The following FRMD6 variants were observed in gnomAD, a reference collection of about 807,000 sequenced individuals.
FRMD6 encodes the protein FERM domain-containing protein 6.
A neutral mutation model predicts 73.2 loss-of-function variants in FRMD6; 37 were observed. That is an observed-to-expected ratio of 0.51 (90% CI 0.39 to 0.66). FRMD6 has a LOEUF of 0.66. Ranked by LOEUF, FRMD6 falls within the 30% of genes least tolerant of loss-of-function variation. FRMD6 has a pLI of 0.00. For synonymous variants in FRMD6, 273 were observed against 282.2 expected (o/e 0.97, Z 0.33); for missense variants, 714 against 780.5 (o/e 0.91, Z 1.02).
intron 2 of FRMD6, among the ~76,000 whole-genome samples, chr14:51,591,213 A>G (rs1889366291): frequency 6.6e-6 from 1 of 152,214 alleles, no homozygotes; most frequent in South Asian, 2.1e-4. Flanking sequence ...AGGTAAAGGC[A>G]GCCCTTCTGG....
chr14:51,527,022 A>T (rs1885293208), intron 1 of FRMD6, among the ~76,000 whole-genome samples: 1 of 152,258 alleles, frequency 6.6e-6, no homozygotes, highest in Admixed American at 6.5e-5. Context: ...TAGCCCTGAT[A>T]ATGTATCCAC....
At chr14:51,526,267 T>C (rs1168575637) in intron 1 of FRMD6, among the ~76,000 whole-genome samples, 2 of 152,126 alleles carry the variant, frequency 1.3e-5, no homozygotes, top group Non-Finnish European at 2.9e-5. Flanking sequence ...TGTCCCCAGA[T>C]CATGTCTCCT....
chr14:51,618,025 A>G (rs756486403), intron 2 of FRMD6, among the ~76,000 whole-genome samples: 4 of 152,158 alleles, frequency 2.6e-5, no homozygotes, highest in Non-Finnish European at 5.9e-5. Flanking sequence ...TGGAGCTTAC[A>G]GTCTATGAGT....
rs373444559 is a variant in FRMD6 at position 51,508,295 on chromosome 14, C to T, written c.-210+18875C>T. Among the ~76,000 whole-genome samples the T allele has an allele frequency of 1.1e-3, 163 of 152,382 alleles. 3 individuals are homozygous for T. The Middle Eastern group carries it at 0.027, about 25-fold the overall frequency. On this transcript the variant is annotated intron_variant, in intron 1 of 14. Transcript: ENST00000356218. The stretch of plus-strand genomic sequence containing the variant: ...CATAAATCTAGAAGGCCCCAGAGGC[C>T]GGCACTGGCAGCAATTTAGCCAGAG...
the FRMD6 span, among the ~76,000 whole-genome samples, chr14:51,478,834 T>C: frequency 6.6e-6 from 1 of 152,230 alleles, no homozygotes; most frequent in Non-Finnish European, 1.5e-5. Flanking sequence ...AATCATAGTC[T>C]TTGCCTCCTT....
intron 3 of FRMD6, among the ~76,000 whole-genome samples, chr14:51,700,598 T>G (rs926962544): frequency 1.3e-5 from 2 of 152,036 alleles, no homozygotes; most frequent in South Asian, 2.1e-4. Context: ...CACTTGGAAA[T>G]GAGCTGATAC....
the FRMD6 span, among the ~76,000 whole-genome samples, chr14:51,399,870 G>A: frequency 5.3e-5 from 8 of 151,812 alleles, no homozygotes; most frequent in East Asian, 7.7e-4. Context: ...AAATACAGGC[G>A]AATAAGAAAG....
rs1472289308 is a variant in FRMD6 at position 51,718,840 on chromosome 14, A to G, written c.1025-1215A>G. On this transcript the variant is annotated intron_variant, in intron 10 of 13. Coordinates refer to ENST00000344768, the MANE Select transcript of FRMD6 (RefSeq NM_001267046.2). ...TTTTTTTTGCATTTTGCATCCTAGAAGGCGCATCTTTTCTTTCTCCTCCTG... is the reference window on the plus strand; with the variant it reads ...TTTTTTTTGCATTTTGCATCCTAGAGGGCGCATCTTTTCTTTCTCCTCCTG... Among the ~76,000 whole-genome samples the G allele has an allele frequency of 7.9e-5, 12 of 152,120 alleles. 1 individual carries two copies. The highest frequency in any genetic ancestry group is 7.9e-4 in the Admixed American group (12 of 15,278).
intron 1 of FRMD6, among the ~76,000 whole-genome samples, chr14:51,556,968 C>T (rs1887169613): frequency 6.6e-6 from 1 of 152,128 alleles, no homozygotes; most frequent in African/African-American, 2.4e-5. Context: ...TTTCCTGACA[C>T]TTATCACGAT....
At chr14:51,663,007 A>G (rs541724236) in intron 1 of FRMD6, among the ~76,000 whole-genome samples, 2 of 152,364 alleles carry the variant, frequency 1.3e-5, no homozygotes, top group South Asian at 4.1e-4. Flanking sequence ...GCAGCAAACA[A>G]TCATATGAAA....
the FRMD6 span, among the ~76,000 whole-genome samples, chr14:51,453,180 T>C: frequency 3.3e-5 from 5 of 150,590 alleles, no homozygotes; most frequent in African/African-American, 1.2e-4. Flanking sequence ...AAAGATGTGG[T>C]GCCCAAGAGA....
chr14:51,631,746 T>G (rs1891345332), intron 2 of FRMD6, among the ~76,000 whole-genome samples: 1 of 152,348 alleles, frequency 6.6e-6, no homozygotes, highest in South Asian at 2.1e-4. Context: ...TAGATTTTAC[T>G]CAGCTCGTAT....
At chr14:51,675,793 T>A (rs950112103) in intron 1 of FRMD6, among the ~76,000 whole-genome samples, 1 of 152,140 alleles carries the variant, frequency 6.6e-6, no homozygotes, top group African/African-American at 2.4e-5. Context: ...TGTGTGTGTG[T>A]CTCTGTGGGT....
chr14:51,422,754 CTT>C, the FRMD6 span, among the ~76,000 whole-genome samples: 3 of 152,288 alleles, frequency 2.0e-5, no homozygotes, highest in South Asian at 6.2e-4. Context: ...GGAGAAAAGA[CTT>C]TTTTATGGTG....
intron 2 of FRMD6, among the ~76,000 whole-genome samples, chr14:51,644,395 A>ACTCTCT (rs71121654): frequency 1.5e-4 from 22 of 146,316 alleles, no homozygotes; most frequent in Middle Eastern, 3.5e-3. Context: ...ACACTCACTC[A>ACTCTCT]CTCTCTCTCT....
chr14:51,504,697 G>T (rs901191519), intron 1 of FRMD6, among the ~76,000 whole-genome samples: 13 of 152,254 alleles, frequency 8.5e-5, no homozygotes, highest in African/African-American at 2.6e-4. Context: ...AGCTCTGTCT[G>T]GGCCCAGAGA....
At chr14:51,642,883 C>T (rs1418117720) in intron 2 of FRMD6, among the ~76,000 whole-genome samples, 1 of 152,084 alleles carries the variant, frequency 6.6e-6, no homozygotes, top group Non-Finnish European at 1.5e-5. Context: ...ATGGAGAAAG[C>T]CCTAAAAGAG....
chr14:51,474,877 A>T, the FRMD6 span, among the ~76,000 whole-genome samples: 2 of 152,200 alleles, frequency 1.3e-5, no homozygotes, highest in Non-Finnish European at 2.9e-5. Context: ...ACACTGCACT[A>T]AAGATTTAGG....
chr14:51,462,551 C>T, the FRMD6 span, among the ~76,000 whole-genome samples: 11 of 152,204 alleles, frequency 7.2e-5, no homozygotes, highest in African/African-American at 2.6e-4. Flanking sequence ...TGGGTAGACC[C>T]CACCTTTCTG....
Sources: allele counts gnomAD v4.1 joint callset (sites outside exome capture counted in the v4.1 genomes callset), GRCh38; gene constraint gnomAD v4.1.1; transcripts MANE v1.5; gene names NCBI Gene and HGNC (gene_info 2026-07-23, HGNC 2026-07-21).